Variants in NHERF2 observed in about 807,000 individuals in gnomAD.
NHERF2 encodes the protein NHERF family PDZ scaffold protein 2.
chr16:2,038,630 C>G, the NHERF2 span: 1 of 280,282 alleles, frequency 3.6e-6, no homozygotes, highest in Non-Finnish European at 6.8e-6. Flanking sequence ...AGGAGCTGCC[C>G]CTGCCCACCT....
chr16:2,033,096 TC>T, the NHERF2 span: 2 of 985,318 alleles, frequency 2.0e-6, no homozygotes, highest in African/African-American at 1.7e-5. Context: ...GGCAGGGCCT[TC>T]CAGCAGCTTC....
the NHERF2 span, chr16:2,037,632 G>T: frequency 1.9e-6 from 3 of 1,606,446 alleles, no homozygotes; most frequent in African/African-American, 1.3e-5. Context: ...GAGCTCACAC[G>T]TGGGGTTGCT....
At chr16:2,037,122 T>C in the NHERF2 span, 1 of 1,185,136 alleles carries the variant, frequency 8.4e-7, no homozygotes, top group Non-Finnish European at 1.2e-6. Flanking sequence ...TTTAGCCCTG[T>C]CACCTCCCTT....
chr16:2,031,717 C>T, the NHERF2 span, among the ~76,000 whole-genome samples: 2 of 152,206 alleles, frequency 1.3e-5, no homozygotes, highest in African/African-American at 2.4e-5. Context: ...CCCCTTCTCT[C>T]TTCTGGCATC....
At chr16:2,031,021 C>T in the NHERF2 span, among the ~76,000 whole-genome samples, 8 of 150,470 alleles carry the variant, frequency 5.3e-5, no homozygotes, top group Non-Finnish European at 1.0e-4. Flanking sequence ...CTGTGAGAAC[C>T]GCGCTTGGGG....
chr16:2,033,385 CGG>C, the NHERF2 span: 1 of 1,533,318 alleles, frequency 6.5e-7, no homozygotes. Flanking sequence ...GCCACCTGCC[CGG>C]GCTCCGGGAG....
the NHERF2 span, among the ~76,000 whole-genome samples, chr16:2,028,009 A>G: frequency 6.6e-6 from 1 of 152,216 alleles, no homozygotes; most frequent in Admixed American, 6.5e-5. Context: ...TAAGGAGAAC[A>G]GAGCCTTTTC....
chr16:2,029,143 C>T, the NHERF2 span, among the ~76,000 whole-genome samples: 1 of 152,256 alleles, frequency 6.6e-6, no homozygotes, highest in Non-Finnish European at 1.5e-5. Flanking sequence ...CAGGGAGACA[C>T]ACCTCTCCTT....
the NHERF2 span, among the ~76,000 whole-genome samples, chr16:2,031,778 G>A: frequency 2.4e-4 from 37 of 152,244 alleles, no homozygotes; most frequent in Admixed American, 2.1e-3. Flanking sequence ...TACAACCTCC[G>A]CTGTCTGGGT....
chr16:2,029,604 T>C, the NHERF2 span: 5 of 1,578,858 alleles, frequency 3.2e-6, no homozygotes, highest in African/African-American at 6.7e-5. Context: ...ATCAAGGCTG[T>C]GGAGGGGCAG....
the NHERF2 span, among the ~76,000 whole-genome samples, chr16:2,033,812 G>A: frequency 6.6e-6 from 1 of 152,246 alleles, no homozygotes. Context: ...CGGCTCTCTG[G>A]GCCCCCCTTC....
chr16:2,031,896 T>G, the NHERF2 span, among the ~76,000 whole-genome samples: 2 of 152,010 alleles, frequency 1.3e-5, no homozygotes, highest in Non-Finnish European at 2.9e-5. Context: ...TTCACCATGT[T>G]GCTCAAGCTG....
At chr16:2,035,005 C>A in the NHERF2 span, among the ~76,000 whole-genome samples, 1 of 152,132 alleles carries the variant, frequency 6.6e-6, no homozygotes, top group Non-Finnish European at 1.5e-5. Context: ...CTAATTCAGC[C>A]CATGTGGCCC....
chr16:2,034,826 C>T, the NHERF2 span, among the ~76,000 whole-genome samples: 23 of 152,184 alleles, frequency 1.5e-4, no homozygotes, highest in Admixed American at 6.5e-4. Flanking sequence ...GCCTTCCCTG[C>T]GTCCCAGGCC....
At chr16:2,035,513 G>C in the NHERF2 span, 12 of 986,418 alleles carry the variant, frequency 1.2e-5, no homozygotes, top group Non-Finnish European at 1.4e-5. Flanking sequence ...CAAGCTTGGC[G>C]CTCCCTGGAA....
the NHERF2 span, chr16:2,037,920 G>A: frequency 6.8e-6 from 11 of 1,612,762 alleles, no homozygotes; most frequent in African/African-American, 1.3e-5. Flanking sequence ...CGAGCCATGC[G>A]AGTCAACAAG....
At chr16:2,031,177 G>A in the NHERF2 span, among the ~76,000 whole-genome samples, 12 of 152,200 alleles carry the variant, frequency 7.9e-5, no homozygotes, top group Admixed American at 6.5e-4. Context: ...ATTCCCTGTG[G>A]GGAGCCCAGC....
chr16:2,028,635 T>A, the NHERF2 span, among the ~76,000 whole-genome samples: 1 of 152,046 alleles, frequency 6.6e-6, no homozygotes, highest in Non-Finnish European at 1.5e-5. Context: ...TCACTCTGGG[T>A]CATGGGGAGA....
At chr16:2,036,719 T>TGG in the NHERF2 span, 2 of 1,609,702 alleles carry the variant, frequency 1.2e-6, no homozygotes, top group African/African-American at 2.7e-5. Context: ...TACATGCTGG[T>TGG]GGCGGCAGGT....
Sources: gnomAD v4.1 joint callset for allele counts (sites outside exome capture counted in the v4.1 genomes callset) on GRCh38, gnomAD v4.1.1 for gene constraint, MANE v1.5 for transcripts, NCBI Gene and HGNC (gene_info 2026-07-23, HGNC 2026-07-21) for gene names.